AP3B1: variants seen among roughly 807,000 people sequenced by gnomAD.
The protein encoded by AP3B1 is adaptor related protein complex 3 subunit beta 1.
AP3B1 carries 61 observed loss-of-function variants against 132.5 expected under a neutral mutation model. That is an observed-to-expected ratio of 0.46 (90% CI 0.37 to 0.57). The LOEUF (loss-of-function observed/expected upper bound fraction) is 0.57. AP3B1 is among the 20% of genes least tolerant of loss of function. The pLI, the probability that AP3B1 is intolerant of heterozygous loss-of-function variation, is 0.00. For synonymous variants in AP3B1, 388 were observed against 438.3 expected, an observed-to-expected ratio of 0.89 and a Z score of 1.43; for missense variants, 1,120 against 1,289.4, an observed-to-expected ratio of 0.87 and a Z score of 2.01.
chr5:78,259,513 A>G (rs1323372242), intron 2 of AP3B1, among the ~76,000 whole-genome samples: 1 of 152,128 alleles, frequency 6.6e-6, no homozygotes, highest in Middle Eastern at 3.2e-3. Flanking sequence ...AAAATAACTT[A>G]AAGAGTGTAA....
At chr5:78,048,729 C>T (rs1748450686) in intron 22 of AP3B1, among the ~76,000 whole-genome samples, 1 of 152,180 alleles carries the variant, frequency 6.6e-6, no homozygotes, top group African/African-American at 2.4e-5. Context: ...TGCCCAGACA[C>T]ATTACTGTCC....
intron 1 of AP3B1, among the ~76,000 whole-genome samples, chr5:78,284,719 GGTT>G (rs1361869123): frequency 8.5e-5 from 13 of 152,168 alleles, no homozygotes; most frequent in African/African-American, 1.7e-4. Flanking sequence ...TTGAAATTAG[GGTT>G]GTTATTTTTC....
intron 20 of AP3B1, among the ~76,000 whole-genome samples, chr5:78,106,610 AGGACTTG>A (rs1419187674): frequency 6.6e-6 from 1 of 152,172 alleles, no homozygotes; most frequent in Non-Finnish European, 1.5e-5. Flanking sequence ...GTTGTATAGA[AGGACTTG>A]GGGTTGGGAA....
intron 2 of AP3B1, among the ~76,000 whole-genome samples, chr5:78,244,965 A>G (rs1285779749): frequency 1.3e-5 from 2 of 152,082 alleles, no homozygotes; most frequent in African/African-American, 4.8e-5. Flanking sequence ...CCTGCACTCC[A>G]GCGTGGTGAC....
chr5:78,071,823 T>C (rs1031520806), intron 22 of AP3B1, among the ~76,000 whole-genome samples: 1 of 152,220 alleles, frequency 6.6e-6, no homozygotes, highest in African/African-American at 2.4e-5. Flanking sequence ...CCTATGCTGA[T>C]GATGTTTACT....
chr5:78,276,599 G>A (rs527259282), intron 1 of AP3B1, among the ~76,000 whole-genome samples: 43 of 152,178 alleles, frequency 2.8e-4, no homozygotes, highest in South Asian at 8.3e-4. Flanking sequence ...TGGACTTGGT[G>A]GCATACACCT....
At chr5:78,063,984 G>A (rs1749169034) in intron 22 of AP3B1, among the ~76,000 whole-genome samples, 1 of 151,522 alleles carries the variant, frequency 6.6e-6, no homozygotes, top group Non-Finnish European at 1.5e-5. Context: ...TAAGAAAAAT[G>A]GATTTAAGGT....
At chr5:78,169,320 T>C (rs543981182) in intron 11 of AP3B1, among the ~76,000 whole-genome samples, 10 of 152,276 alleles carry the variant, frequency 6.6e-5, no homozygotes, top group Admixed American at 5.9e-4. Context: ...AAATTCACAA[T>C]ATTATTCTTT....
At chr5:78,115,223 G>C (rs939463911) in intron 18 of AP3B1, among the ~76,000 whole-genome samples, 1 of 152,142 alleles carries the variant, frequency 6.6e-6, no homozygotes, top group African/African-American at 2.4e-5. Context: ...ATGTATCACA[G>C]ATTAATTTAT....
intron 11 of AP3B1, among the ~76,000 whole-genome samples, chr5:78,171,000 C>CT (rs1315023539): frequency 6.6e-6 from 1 of 152,104 alleles, no homozygotes; most frequent in African/African-American, 2.4e-5. Context: ...AATCCTTTCC[C>CT]TATTGCTTGC....
intron 25 of AP3B1, chr5:78,015,886 G>T: frequency 4.0e-6 from 1 of 247,018 alleles, no homozygotes; most frequent in Non-Finnish European, 7.9e-6. Flanking sequence ...AAACTAGTAA[G>T]CTTTTACTTC....
intron 23 of AP3B1, among the ~76,000 whole-genome samples, chr5:78,037,665 A>T (rs1202528808): frequency 6.6e-6 from 1 of 152,242 alleles, no homozygotes; most frequent in Non-Finnish European, 1.5e-5. Context: ...AAAATGGAAG[A>T]GTTATGTGAA....
At chr5:78,132,155 C>T (rs1459719336) in intron 15 of AP3B1, among the ~76,000 whole-genome samples, 7 of 152,130 alleles carry the variant, frequency 4.6e-5, no homozygotes, top group Admixed American at 1.3e-4. Context: ...GTGACAACTA[C>T]GGTTTTATTT....
chr5:78,114,041 C>T (rs909937386), intron 18 of AP3B1, 118 bp from the exon 19 acceptor site: 6 of 1,124,014 alleles, frequency 5.3e-6, no homozygotes, highest in Non-Finnish European at 6.4e-6. Flanking sequence ...GTTCAGTGGA[C>T]ACCACTTGTT....
At chr5:78,025,864 C>T (rs1747320175) in intron 24 of AP3B1, among the ~76,000 whole-genome samples, 1 of 152,156 alleles carries the variant, frequency 6.6e-6, no homozygotes, top group African/African-American at 2.4e-5. Context: ...TCCAATATAA[C>T]CAGTACATAA....
chr5:78,122,420 C>G (rs908207629), intron 17 of AP3B1, among the ~76,000 whole-genome samples: 9 of 152,148 alleles, frequency 5.9e-5, no homozygotes, highest in Non-Finnish European at 7.4e-5. Flanking sequence ...CCTGTTTGCA[C>G]ATGACATGAT....
chr5:78,256,364 A>G (rs541323354), intron 2 of AP3B1, among the ~76,000 whole-genome samples: 1 of 152,236 alleles, frequency 6.6e-6, no homozygotes, highest in Admixed American at 6.5e-5. Flanking sequence ...AATTCAAAGG[A>G]TCATTAGTGG....
chr5:78,274,051 A>AT (rs397690180), intron 1 of AP3B1, among the ~76,000 whole-genome samples: 1 of 145,882 alleles, frequency 6.9e-6, no homozygotes, highest in African/African-American at 2.5e-5. Flanking sequence ...AAAAAAAAAA[A>AT]CCAGGAGCAG....
chr5:78,069,729 T>C (rs979509263), intron 22 of AP3B1, among the ~76,000 whole-genome samples: 1 of 152,194 alleles, frequency 6.6e-6, no homozygotes, highest in Non-Finnish European at 1.5e-5. Flanking sequence ...ATTGACATTC[T>C]TCACAAAATT....
Sources: allele counts gnomAD v4.1 joint callset (sites outside exome capture counted in the v4.1 genomes callset), GRCh38; gene constraint gnomAD v4.1.1; transcripts MANE v1.5; gene names NCBI Gene and HGNC (gene_info 2026-07-23, HGNC 2026-07-21).